The following NCOR2 variants were observed in gnomAD, a reference collection of about 807,000 sequenced individuals.
NCOR2 encodes the protein nuclear receptor corepressor 2, also known as CTG repeat protein 26.
A neutral mutation model predicts 262.9 loss-of-function variants in NCOR2; 81 were observed. The ratio of observed to expected loss-of-function variants is 0.31; its 90% CI spans 0.26 to 0.37. The LOEUF (loss-of-function observed/expected upper bound fraction) is 0.37, where lower values mean the gene tolerates loss of function less well. Among genes scored for constraint, NCOR2 ranks in the 10% least tolerant of loss-of-function variants. NCOR2 has a pLI of 1.00. For synonymous variants in NCOR2, 1,659 were observed against 1,559.3 expected, an observed-to-expected ratio of 1.06 and a Z score of -1.51; for missense variants, 3,385 against 3,621.4, an observed-to-expected ratio of 0.93 and a Z score of 1.68.
At chr12:124,341,386 C>A (rs192423503) in intron 34 of NCOR2, among the ~76,000 whole-genome samples, 1 of 152,060 alleles carries the variant, frequency 6.6e-6, no homozygotes, top group African/African-American at 2.4e-5. Flanking sequence ...ACTACAGGTG[C>A]GCATCACCAT....
At chr12:124,377,974 T>C (rs929794695) in intron 18 of NCOR2, among the ~76,000 whole-genome samples, 9 of 152,020 alleles carry the variant, frequency 5.9e-5, no homozygotes, top group Non-Finnish European at 1.0e-4. Flanking sequence ...ACTGGACTCA[T>C]GGGCATCAGA....
intron 45 of NCOR2, among the ~76,000 whole-genome samples, chr12:124,327,014 C>A (rs945592207): frequency 6.6e-6 from 1 of 152,216 alleles, no homozygotes; most frequent in Non-Finnish European, 1.5e-5. Context: ...GAGCACAGGC[C>A]TGGCTGCCAT....
At chr12:124,567,425 G>C (rs1473615745) in exon 1 of NCOR2, 2 of 150,384 alleles carry the variant, frequency 1.3e-5, no homozygotes, top group Non-Finnish European at 3.0e-5. Context: ...GCCTCGGGTC[G>C]GGACGCGATC....
In NCOR2 at chr12:124,346,897, C is replaced by T; in HGVS notation, c.4073-47G>A. The T allele has an allele frequency of 1.4e-6, 2 of 1,448,734 alleles. 1 individual carries two copies. Among genetic ancestry groups the T allele is most frequent in the Non-Finnish European group, 1.8e-6 (2 of 1,101,806 alleles). The allele number at this position is 1,448,734 out of a possible 1,614,324, so 89.7% of individuals were successfully genotyped here. On this transcript the variant is annotated intron_variant, in intron 30 of 46. Transcript: ENST00000405201. ...CCCTCACGCCCCGCCCCACCCAGAC[C>T]CATCAAGAGCCTCCACACCAGTGGG...
intron 10 of NCOR2, among the ~76,000 whole-genome samples, chr12:124,427,588 G>C (rs545562237): frequency 6.6e-6 from 1 of 152,336 alleles, no homozygotes; most frequent in East Asian, 1.9e-4. Flanking sequence ...TCAATGTGCA[G>C]GACTCCCAGC....
At chr12:124,537,313 G>A (rs140100752), upstream of NCOR2, among the ~76,000 whole-genome samples, 5 of 152,342 alleles carry the variant, frequency 3.3e-5, no homozygotes, top group African/African-American at 9.6e-5. Flanking sequence ...AGAGGGCAGA[G>A]CACTGGACAG....
At chr12:124,373,313 GACAATCAT>G (rs2039668557) in intron 19 of NCOR2, among the ~76,000 whole-genome samples, 5 of 44,992 alleles carry the variant, frequency 1.1e-4, no homozygotes, top group African/African-American at 3.2e-4. Flanking sequence ...GGGCACAGTG[GACAATCAT>G]GAGGCCAGTG....
chr12:124,510,884 G>A (rs866156427), intron 1 of NCOR2, among the ~76,000 whole-genome samples: 2 of 152,056 alleles, frequency 1.3e-5, no homozygotes, highest in Non-Finnish European at 2.9e-5. Context: ...CCTCCCTCAC[G>A]GCCCAGCTCC....
At chr12:124,438,487 C>T (rs574256683) in intron 7 of NCOR2, among the ~76,000 whole-genome samples, 9 of 152,016 alleles carry the variant, frequency 5.9e-5, no homozygotes, top group East Asian at 5.8e-4. Context: ...AGTCCTGCTG[C>T]GGGGGGAGGG....
chr12:124,464,196 G>T (rs1419593659), intron 5 of NCOR2, among the ~76,000 whole-genome samples: 2 of 151,866 alleles, frequency 1.3e-5, no homozygotes, highest in Non-Finnish European at 1.5e-5. Flanking sequence ...GTTGAAACGG[G>T]TCTTGCTGAG....
chr12:124,416,272 G>A (rs1476972061), intron 13 of NCOR2, among the ~76,000 whole-genome samples: 1 of 152,174 alleles, frequency 6.6e-6, no homozygotes, highest in Non-Finnish European at 1.5e-5. Context: ...GCAAAAGAAA[G>A]AGGGTCACAT....
chr12:124,426,493 A>G, intron 11 of NCOR2, 129 bp downstream of exon 13: 1 of 871,834 alleles, frequency 1.1e-6, no homozygotes, highest in African/African-American at 1.7e-5. Context: ...CAACCAGGAG[A>G]GAGTAAATCC....
At chr12:124,417,153 G>GCAGGCCGGACACTCACTCCACGGAC (rs2042937991) in intron 13 of NCOR2, among the ~76,000 whole-genome samples, 1 of 104,934 alleles carries the variant, frequency 9.5e-6, no homozygotes, top group African/African-American at 2.9e-5. Flanking sequence ...ACTCCACGGA[G>GCAGGCCGGACACTCACTCCACGGAC]AGCAGGCCGG....
chr12:124,449,165 G>A (rs148860187), intron 7 of NCOR2, among the ~76,000 whole-genome samples: 14 of 152,184 alleles, frequency 9.2e-5, no homozygotes, highest in Non-Finnish European at 1.6e-4. Flanking sequence ...CTTGTACCCC[G>A]CTTGAAGATA....
At chr12:124,558,709 C>T (rs1210776906) in intron 1 of NCOR2, among the ~76,000 whole-genome samples, 1 of 152,154 alleles carries the variant, frequency 6.6e-6, no homozygotes, top group African/African-American at 2.4e-5. Context: ...GGGTCCACCT[C>T]CCTGACCCTG....
chr12:124,341,307 T>G (rs1422425614), intron 34 of NCOR2, among the ~76,000 whole-genome samples: 1 of 151,854 alleles, frequency 6.6e-6, no homozygotes, highest in Non-Finnish European at 1.5e-5. Context: ...TGGTAAAATC[T>G]CCACTCACTG....
chr12:124,347,562 G>C (rs935252659), intron 30 of NCOR2: 1 of 467,380 alleles, frequency 2.1e-6, no homozygotes, highest in African/African-American at 1.9e-5. Context: ...ACCTGGGTTA[G>C]TGCCAAGCAC....
intron 18 of NCOR2, among the ~76,000 whole-genome samples, chr12:124,374,715 C>A (rs2039856508): frequency 6.6e-6 from 1 of 152,258 alleles, no homozygotes; most frequent in Non-Finnish European, 1.5e-5. Flanking sequence ...TCAAGGCCAG[C>A]CAATAATGGG....
intron 1 of NCOR2, among the ~76,000 whole-genome samples, chr12:124,563,510 G>A (rs773221613): frequency 6.6e-6 from 1 of 152,264 alleles, no homozygotes. Flanking sequence ...GCCGCCATCT[G>A]CCCCAGGGCC....
Sources: allele counts gnomAD v4.1 joint callset (sites outside exome capture counted in the v4.1 genomes callset), GRCh38; gene constraint gnomAD v4.1.1; transcripts MANE v1.5; gene names NCBI Gene and HGNC (gene_info 2026-07-23, HGNC 2026-07-21).